Variants in ST18 observed in about 807,000 individuals in gnomAD.
The protein encoded by ST18 is suppression of tumorigenicity 18 protein.
Under a neutral mutation model 110.0 loss-of-function variants are expected in ST18, and 50 were observed. That is an observed-to-expected ratio of 0.45 (90% CI 0.36 to 0.58). ST18 has a LOEUF of 0.58. ST18 is among the 20% of genes least tolerant of loss of function. The pLI, the probability that ST18 is intolerant of heterozygous loss-of-function variation, is 0.00. For missense variants in ST18, 1,306 were observed against 1,280.1 expected (o/e 1.02, Z -0.31); for synonymous variants, 461 against 452.4 (o/e 1.02, Z -0.24).
chr8:52,347,109 T>C (rs1285510851), intron 2 of ST18, among the ~76,000 whole-genome samples: 1 of 152,228 alleles, frequency 6.6e-6, no homozygotes, highest in Non-Finnish European at 1.5e-5. Context: ...AGCTATGTAG[T>C]CCTGGCACAA....
intron 5 of ST18, among the ~76,000 whole-genome samples, chr8:52,218,562 T>C (rs902399771): frequency 2.0e-5 from 3 of 147,046 alleles, no homozygotes; most frequent in Non-Finnish European, 3.0e-5. Flanking sequence ...TAATTTTTTT[T>C]TTTTTTTTTT....
intron 17 of ST18, among the ~76,000 whole-genome samples, chr8:52,141,065 AT>A (rs1222718372): frequency 6.6e-6 from 1 of 152,220 alleles, no homozygotes; most frequent in African/African-American, 2.4e-5. Flanking sequence ...AAGTTCCAGC[AT>A]GTTTGGAACC....
chr8:52,346,127 T>A (rs929271939), intron 2 of ST18, among the ~76,000 whole-genome samples: 1 of 151,704 alleles, frequency 6.6e-6, no homozygotes, highest in Middle Eastern at 3.4e-3. Flanking sequence ...TGACATATTA[T>A]ATTCACACAA....
intron 2 of ST18, among the ~76,000 whole-genome samples, chr8:52,321,866 A>G (rs1804077369): frequency 6.6e-6 from 1 of 152,254 alleles, no homozygotes; most frequent in African/African-American, 2.4e-5. Flanking sequence ...TAGAATTACC[A>G]TTAAATACAG....
At chr8:52,238,566 T>A (rs545526449) in intron 2 of ST18, among the ~76,000 whole-genome samples, 2 of 152,070 alleles carry the variant, frequency 1.3e-5, no homozygotes, top group Non-Finnish European at 2.9e-5. Flanking sequence ...TTAGTCACAA[T>A]AGCAAAGACA....
At chr8:52,113,948 T>C (rs1315033587) in intron 25 of ST18, among the ~76,000 whole-genome samples, 1 of 138,384 alleles carries the variant, frequency 7.2e-6, no homozygotes, top group Non-Finnish European at 1.6e-5. Flanking sequence ...AATTTATTCA[T>C]ACCGTGTTTT....
chr8:52,237,561 C>A (rs561552196), intron 2 of ST18, among the ~76,000 whole-genome samples: 35 of 152,180 alleles, frequency 2.3e-4, no homozygotes, highest in African/African-American at 7.7e-4. Flanking sequence ...GCACTAAAGC[C>A]CATTTGTTCA....
rs1483337590 is a variant in ST18, at chr8:52,306,186, A to G, written c.-464-76109T>C. ...TCCTTCAAATCTTTACTCAAATGTC[A>G]TATTTTCAGTGATGCCAGCTCTGGC... On this transcript the variant is annotated intron_variant, in intron 2 of 25. Coordinates refer to ENST00000689386, the MANE Select transcript of ST18 (RefSeq NM_001352837.2). Among the ~76,000 whole-genome samples the G allele has an allele frequency of 2.0e-5, 3 of 152,182 alleles. 1 individual carries two copies. The highest frequency in any genetic ancestry group is 6.5e-5 in the Admixed American group (1 of 15,276).
intron 2 of ST18, among the ~76,000 whole-genome samples, chr8:52,264,522 GA>G (rs1314398324): frequency 2.0e-5 from 3 of 152,180 alleles, no homozygotes; most frequent in Middle Eastern, 3.2e-3. Context: ...CCAGACACAA[GA>G]GGCTTAAGGG....
chr8:52,328,634 A>G (rs1807613242), intron 2 of ST18, among the ~76,000 whole-genome samples: 2 of 152,206 alleles, frequency 1.3e-5, no homozygotes, highest in African/African-American at 4.8e-5. Flanking sequence ...TGTGCTCACT[A>G]GCACTGAGAT....
chr8:52,133,162 C>A (rs1332519455), intron 20 of ST18, 25 bp from the exon 21 acceptor site: 1 of 1,614,198 alleles, frequency 6.2e-7, no homozygotes. Context: ...CGACAAAGAA[C>A]AAAGCAAAAT....
chr8:52,339,340 A>G (rs1381241538), intron 2 of ST18, among the ~76,000 whole-genome samples: 1 of 152,010 alleles, frequency 6.6e-6, no homozygotes, highest in Admixed American at 6.6e-5. Flanking sequence ...TTCCTTCCCA[A>G]CCTCTAGACC....
chr8:52,183,801 T>A (rs2070883792), intron 8 of ST18, among the ~76,000 whole-genome samples: 1 of 152,218 alleles, frequency 6.6e-6, no homozygotes, highest in South Asian at 2.1e-4. Flanking sequence ...TGCATGTATG[T>A]CCATAAAGGC....
chr8:52,277,531 T>A (rs538739603), intron 2 of ST18, among the ~76,000 whole-genome samples: 1 of 152,346 alleles, frequency 6.6e-6, no homozygotes, highest in East Asian at 1.9e-4. Flanking sequence ...ATGTATTAAA[T>A]ATCATTTTAT....
chr8:52,248,183 A>G (rs1172574711), intron 2 of ST18, among the ~76,000 whole-genome samples: 1 of 152,162 alleles, frequency 6.6e-6, no homozygotes, highest in Non-Finnish European at 1.5e-5. Flanking sequence ...GTATCACAAT[A>G]TTGCTATATC....
At chr8:52,330,698 T>A (rs372357767) in intron 2 of ST18, among the ~76,000 whole-genome samples, 6 of 152,328 alleles carry the variant, frequency 3.9e-5, no homozygotes, top group African/African-American at 1.4e-4. Context: ...TGCCCTGTGC[T>A]CACCTGGCAG....
intron 9 of ST18, 95 bp from the exon 10 acceptor site, chr8:52,172,678 C>A: frequency 1.1e-6 from 1 of 916,322 alleles, no homozygotes. Flanking sequence ...TATGCATTCA[C>A]ATACATAGGT....
chr8:52,244,934 C>A (rs907679976), intron 2 of ST18, among the ~76,000 whole-genome samples: 1 of 152,092 alleles, frequency 6.6e-6, no homozygotes, highest in African/African-American at 2.4e-5. Flanking sequence ...AAAAAAAGAT[C>A]CAGGACTCCG....
chr8:52,403,804 T>A (rs1478008569), intron 2 of ST18: 1 of 152,222 alleles, frequency 6.6e-6, no homozygotes, highest in Non-Finnish European at 1.5e-5. Flanking sequence ...CCTCTCTAAC[T>A]CTTAATATGA....
Sources: gnomAD v4.1 joint callset for allele counts (sites outside exome capture counted in the v4.1 genomes callset) on GRCh38, gnomAD v4.1.1 for gene constraint, MANE v1.5 for transcripts, NCBI Gene and HGNC (gene_info 2026-07-23, HGNC 2026-07-21) for gene names.